HIP1: variants seen among roughly 807,000 people sequenced by gnomAD.
The protein encoded by HIP1 is huntingtin-interacting protein 1.
Under a neutral mutation model 147.6 loss-of-function variants are expected in HIP1, and 65 were observed. The observed-to-expected ratio is 0.44, with a 90% CI of 0.36 to 0.54. HIP1 has a LOEUF of 0.54. HIP1 is among the 20% of genes least tolerant of loss of function. The probability of loss-of-function intolerance (pLI) is 0.00; values close to 1 mark genes in which losing one functional copy is unlikely to be tolerated. For synonymous variants in HIP1, 479 were observed against 504.0 expected (o/e 0.95, Z 0.67); for missense variants, 1,061 against 1,299.6 (o/e 0.82, Z 2.82).
intron 2 of HIP1, among the ~76,000 whole-genome samples, chr7:75,593,228 C>A (rs1449842601): frequency 6.6e-6 from 1 of 152,178 alleles, no homozygotes; most frequent in Non-Finnish European, 1.5e-5. Context: ...CTTGGCCTCG[C>A]AAAGTGCTGG....
chr7:75,617,073 ATTTTTT>A (rs71519374), intron 1 of HIP1, among the ~76,000 whole-genome samples: 1 of 123,546 alleles, frequency 8.1e-6, no homozygotes, highest in Non-Finnish European at 1.7e-5. Context: ...CACCCAGCTA[ATTTTTT>A]TTTTTTTTTT....
At chr7:75,672,332 T>TA (rs1799750251) in intron 1 of HIP1, among the ~76,000 whole-genome samples, 2 of 151,732 alleles carry the variant, frequency 1.3e-5, no homozygotes, top group African/African-American at 4.8e-5. Context: ...ATTCTTTTTT[T>TA]TTTTTTCCTT....
chr7:75,657,460 G>A (rs1799176114), intron 1 of HIP1, among the ~76,000 whole-genome samples: 1 of 151,130 alleles, frequency 6.6e-6, no homozygotes, highest in South Asian at 2.1e-4. Flanking sequence ...AACCCGGGAG[G>A]TGGAGATTGC....
intron 2 of HIP1, among the ~76,000 whole-genome samples, chr7:75,595,283 C>CCTTCCTTT (rs1554501698): frequency 2.4e-5 from 2 of 83,432 alleles, no homozygotes; most frequent in East Asian, 2.9e-4. Context: ...TTCCTTCCTT[C>CCTTCCTTT]CTTTCTTTCT....
intron 1 of HIP1, among the ~76,000 whole-genome samples, chr7:75,700,580 A>G (rs186015102): frequency 1.2e-4 from 19 of 152,276 alleles, no homozygotes; most frequent in African/African-American, 3.6e-4. Flanking sequence ...TTGCTGGTTA[A>G]CTGACATGGA....
intron 2 of HIP1, among the ~76,000 whole-genome samples, chr7:75,595,556 C>T (rs1796711927): frequency 1.3e-5 from 2 of 151,908 alleles, no homozygotes; most frequent in African/African-American, 4.8e-5. Context: ...GATGCTCAGG[C>T]TGGTCTCGAA....
At chr7:75,566,339 T>C (rs1401769180) in intron 9 of HIP1, among the ~76,000 whole-genome samples, 1 of 151,616 alleles carries the variant, frequency 6.6e-6, no homozygotes, top group Middle Eastern at 3.4e-3. Context: ...GCAACTTTTA[T>C]TGAGGCGGCA....
chr7:75,545,286 A>G, intron 25 of HIP1, 98 bp from the exon 26 acceptor site: 3 of 749,926 alleles, frequency 4.0e-6, no homozygotes, highest in Non-Finnish European at 6.9e-6. Flanking sequence ...TCCTCATAGT[A>G]ACTCTGAGAC....
At chr7:75,646,382 TGGC>T (rs1376709110) in intron 1 of HIP1, among the ~76,000 whole-genome samples, 1 of 152,232 alleles carries the variant, frequency 6.6e-6, no homozygotes, top group African/African-American at 2.4e-5. Flanking sequence ...CCACCTCGCC[TGGC>T]CACAGTCATT....
intron 1 of HIP1, among the ~76,000 whole-genome samples, chr7:75,671,837 T>C (rs1764746899): frequency 6.6e-6 from 1 of 152,076 alleles, no homozygotes; most frequent in African/African-American, 2.4e-5. Context: ...CAGGTTCAAG[T>C]GATTCTCCTG....
intron 1 of HIP1, among the ~76,000 whole-genome samples, chr7:75,705,456 C>T (rs1447732778): frequency 3.3e-5 from 5 of 151,946 alleles, no homozygotes; most frequent in Admixed American, 3.3e-4. Flanking sequence ...CAACCTCCGC[C>T]TCCCGAGTTC....
chr7:75,611,533 TC>T, intron 1 of HIP1: 1 of 227,456 alleles, frequency 4.4e-6, no homozygotes, highest in Non-Finnish European at 7.7e-6. Context: ...GAAAATCTAC[TC>T]CCTTCCCCTC....
intron 1 of HIP1, among the ~76,000 whole-genome samples, chr7:75,633,071 G>A (rs1222185206): frequency 2.0e-5 from 3 of 152,110 alleles, no homozygotes; most frequent in Non-Finnish European, 4.4e-5. Context: ...CGTAGGTGAT[G>A]GGTTGATCTG....
In HIP1 at chr7:75,633,899, T is replaced by C. The variant is rs587760696; in HGVS notation, c.121-34652A>G. Among the ~76,000 whole-genome samples, 414 of 152,086 alleles carry C rather than the reference T, an allele frequency of 2.7e-3. 3 individuals are homozygous for C. The highest frequency in any genetic ancestry group is 2.6e-3 in the Non-Finnish European group (177 of 68,002). Reference sequence around the variant, plus strand: ...TCATCGGCCTGCTGGGTAAGTCAGGTGTCTCAAATTTGAGGAAGCAGTGAG... The same window carrying C: ...TCATCGGCCTGCTGGGTAAGTCAGGCGTCTCAAATTTGAGGAAGCAGTGAG... On this transcript the variant is annotated intron_variant, in intron 1 of 30. Transcript: ENST00000336926.
At chr7:75,639,093 C>A (rs1008088148) in intron 1 of HIP1, 49 of 984,726 alleles carry the variant, frequency 5.0e-5, no homozygotes, top group Middle Eastern at 5.2e-4. Context: ...GGCACCCCCC[C>A]ACCCCTGGAG....
intron 2 of HIP1, among the ~76,000 whole-genome samples, chr7:75,593,623 C>A (rs1469984201): frequency 8.1e-6 from 1 of 123,632 alleles, no homozygotes; most frequent in African/African-American, 3.6e-5. Context: ...GAGCAAGACT[C>A]CATCTCAAAA....
intron 1 of HIP1, among the ~76,000 whole-genome samples, chr7:75,731,490 A>C (rs1354518590): frequency 7.9e-5 from 12 of 151,674 alleles, no homozygotes; most frequent in East Asian, 7.8e-4. Context: ...AAAAAAAAAA[A>C]AAAAAAAAAC....
intron 1 of HIP1, among the ~76,000 whole-genome samples, chr7:75,602,252 C>T (rs1420073105): frequency 7.4e-5 from 11 of 149,168 alleles, no homozygotes; most frequent in Non-Finnish European, 1.3e-4. Flanking sequence ...CCACCCGCCT[C>T]GGCCTCACAA....
rs1554495898 is a variant in HIP1 at position 75,568,013 on chromosome 7, G to A, written c.803+186C>T. On this transcript the variant is annotated intron_variant, in intron 9 of 30. Transcript: ENST00000336926. The surrounding 1 kb of genome is among the most constrained non-coding windows in gnomAD (Gnocchi z 4.1). ...TTTTTTTCTGTAGAGATGGGGTCTCGCTATGTTGCCCAGCCTGGTGTCAAA... is the reference window on the plus strand; with the variant it reads ...TTTTTTTCTGTAGAGATGGGGTCTCACTATGTTGCCCAGCCTGGTGTCAAA... Among the ~76,000 whole-genome samples the A allele has an allele frequency of 6.6e-6, 1 of 151,914 alleles. No individual in the cohort carries two copies. Among genetic ancestry groups the A allele is most frequent in the East Asian group, 1.9e-4 (1 of 5,168 alleles).
Sources: allele counts gnomAD v4.1 joint callset (sites outside exome capture counted in the v4.1 genomes callset), GRCh38; gene constraint gnomAD v4.1.1; non-coding constraint Gnocchi (gnomAD v3.1); transcripts MANE v1.5; gene names NCBI Gene and HGNC (gene_info 2026-07-23, HGNC 2026-07-21).